DOCK10: variants seen among roughly 807,000 people sequenced by gnomAD.
DOCK10 encodes the protein dedicator of cytokinesis 10.
In DOCK10, 145 loss-of-function variants were observed where a neutral mutation model predicts 280.1. The observed-to-expected ratio is 0.52, with a 90% CI of 0.45 to 0.59. The LOEUF (loss-of-function observed/expected upper bound fraction) is 0.59. DOCK10 is among the 20% of genes least tolerant of loss of function. The pLI is 0.00. For synonymous variants in DOCK10, 915 were observed against 942.2 expected (o/e 0.97, Z 0.53); for missense variants, 2,368 against 2,651.7 (o/e 0.89, Z 2.35).
intron 1 of DOCK10, among the ~76,000 whole-genome samples, chr2:224,943,543 G>A (rs1294902389): frequency 1.3e-5 from 2 of 152,118 alleles, no homozygotes; most frequent in Non-Finnish European, 1.5e-5. Context: ...AAACAGATAT[G>A]ATAAGTATCT....
chr2:224,832,035 G>C (rs1695273801), intron 26 of DOCK10, among the ~76,000 whole-genome samples: 3 of 152,110 alleles, frequency 2.0e-5, no homozygotes, highest in Admixed American at 2.0e-4. Context: ...TCTTTCTTGG[G>C]CCTAAGGGTG....
chr2:224,905,234 A>ATTTTT (rs201582173), intron 3 of DOCK10, among the ~76,000 whole-genome samples: 40 of 111,524 alleles, frequency 3.6e-4, no homozygotes, highest in African/African-American at 8.7e-4. Context: ...CTATGGAACT[A>ATTTTT]TTTTTTTTTT....
At chr2:224,870,751 C>T (rs1698217133) in intron 11 of DOCK10, among the ~76,000 whole-genome samples, 1 of 151,672 alleles carries the variant, frequency 6.6e-6, no homozygotes, top group Admixed American at 6.6e-5. Flanking sequence ...CGCCCCTCTC[C>T]CCCCAACCAA....
At chr2:224,818,768 C>T (rs1694317156) in intron 29 of DOCK10, among the ~76,000 whole-genome samples, 1 of 152,174 alleles carries the variant, frequency 6.6e-6, no homozygotes. Context: ...ATTATCTTTC[C>T]AATCAATTCC....
At chr2:224,813,960 C>T (rs1049570689) in intron 31 of DOCK10, among the ~76,000 whole-genome samples, 3 of 152,172 alleles carry the variant, frequency 2.0e-5, no homozygotes, top group Non-Finnish European at 4.4e-5. Context: ...CAAGATTGAT[C>T]AAACCAGGCT....
chr2:224,980,916 A>C (rs1575145485), intron 1 of DOCK10, among the ~76,000 whole-genome samples: 1 of 152,188 alleles, frequency 6.6e-6, no homozygotes, highest in East Asian at 1.9e-4. Context: ...AATAGTTTTT[A>C]AAAATTTCTC....
intron 3 of DOCK10, among the ~76,000 whole-genome samples, chr2:224,896,658 A>G (rs1700005731): frequency 6.6e-6 from 1 of 152,190 alleles, no homozygotes; most frequent in Non-Finnish European, 1.5e-5. Context: ...TGGAGGTTGC[A>G]GTGAGCCGAG....
rs1223820293 is a variant in DOCK10 at position 224,768,769 on chromosome 2, C to T, written c.6444+1442G>A. ...TAATTAAATAAAAACTTAGAGAGCA[C>T]TAGCTACTAGGGAGGTGACTAGAGA... On this transcript the variant is annotated intron_variant, in intron 55 of 55. Transcript: ENST00000258390. The T allele has an allele frequency of 5.2e-5, 17 of 325,092 alleles. 1 individual carries two copies. Among genetic ancestry groups the T allele is most frequent in the South Asian group, 3.9e-4 (16 of 40,778 alleles). The allele number at this position is 325,092 out of a possible 1,614,324, so 20.1% of individuals were successfully genotyped here.
chr2:225,001,421 C>G (rs1706427663), intron 1 of DOCK10, among the ~76,000 whole-genome samples: 1 of 151,460 alleles, frequency 6.6e-6, no homozygotes, highest in Non-Finnish European at 1.5e-5. Flanking sequence ...TCCCAAGTAG[C>G]TGGGACTACA....
At chr2:224,996,149 T>C (rs1706267740) in intron 1 of DOCK10, among the ~76,000 whole-genome samples, 2 of 152,230 alleles carry the variant, frequency 1.3e-5, no homozygotes, top group South Asian at 4.1e-4. Context: ...TTCATCACAC[T>C]GTGTGATAAA....
At chr2:224,972,086 A>G (rs998835890) in intron 1 of DOCK10, among the ~76,000 whole-genome samples, 2 of 152,206 alleles carry the variant, frequency 1.3e-5, no homozygotes, top group Non-Finnish European at 1.5e-5. Flanking sequence ...TTCCTTAACT[A>G]TATTGGAACA....
At chr2:224,783,640 A>C (rs938623277) in intron 50 of DOCK10, among the ~76,000 whole-genome samples, 159 of 152,212 alleles carry the variant, frequency 1.0e-3, no homozygotes, top group African/African-American at 3.6e-3. Flanking sequence ...GTGTAAAATC[A>C]GCACACTTTA....
chr2:224,874,266 A>C lies in DOCK10; in HGVS notation c.1101T>G (p.Asp367Glu), dbSNP rs1254990523. 2 of 1,612,514 alleles carry C rather than the reference A, an allele frequency of 1.2e-6. No individual in the cohort carries two copies. Among genetic ancestry groups the C allele is most frequent in the Middle Eastern group, 1.7e-4 (1 of 6,048 alleles). ...LNLFSLDPDI[D>E]TLKLQKKDLL... The stretch of plus-strand genomic sequence containing the variant: ...CTGCTTAGAAAAAATTTTGACTTAC[A>C]TCTATGTCTGGATCTAGAGAGAACA... The change falls in exon 10 of 56, where the codon GAT becomes GAG. Residue 367 changes from aspartate (D) to glutamate (E), a missense_variant and splice_region_variant. Transcript: ENST00000258390.
chr2:225,016,128 G>A (rs1265042562), intron 1 of DOCK10, among the ~76,000 whole-genome samples: 1 of 152,106 alleles, frequency 6.6e-6, no homozygotes, highest in African/African-American at 2.4e-5. Flanking sequence ...TCTAGAGTCA[G>A]GTAGCTTTAA....
chr2:224,952,641 GGAGT>G (rs1048247393), intron 1 of DOCK10, among the ~76,000 whole-genome samples: 14 of 147,662 alleles, frequency 9.5e-5, no homozygotes, highest in Admixed American at 7.4e-4. Context: ...CGCCCAGGCT[GGAGT>G]GCAGTGGCGG....
intron 47 of DOCK10, among the ~76,000 whole-genome samples, chr2:224,791,893 G>A (rs28548294): frequency 0.012 from 1,839 of 152,222 alleles, 19 homozygotes; most frequent in African/African-American, 0.036. Context: ...TTTACATTTC[G>A]TTTAAGTCTT....
rs183286996 is a variant in DOCK10, at chr2:224,987,909, G to T, written c.123+54343C>A. Reference sequence around the variant, plus strand: ...AGAGCACAGTAGAAAAGCTCACAGCGAGCTTCAGAGTCAGCCTGACTCATA... The same window carrying T: ...AGAGCACAGTAGAAAAGCTCACAGCTAGCTTCAGAGTCAGCCTGACTCATA... On this transcript the variant is annotated intron_variant, in intron 1 of 55. Coordinates refer to ENST00000258390, the MANE Select transcript of DOCK10 (RefSeq NM_014689.3). 5.9e-5 allele frequency among the ~76,000 whole-genome samples: 9 copies of T among 152,242 alleles called. No homozygotes were observed. In the East Asian group the frequency reaches 1.7e-3, roughly 29 times the overall value.
chr2:225,003,923 T>C (rs528713665), intron 1 of DOCK10, among the ~76,000 whole-genome samples: 1 of 152,202 alleles, frequency 6.6e-6, no homozygotes, highest in Non-Finnish European at 1.5e-5. Context: ...TTATGTTAAA[T>C]GTAGTTAGGT....
chr2:224,919,472 G>C lies in DOCK10; in HGVS notation c.244-2688C>G, dbSNP rs2125961691. Reference sequence around the variant, plus strand: ...GTGAATGGGTGTGATGTGTCAGTGTGAGTGTGGATGGTGTGTATGTGTGGT... The same window carrying C: ...GTGAATGGGTGTGATGTGTCAGTGTCAGTGTGGATGGTGTGTATGTGTGGT... On this transcript the variant is annotated intron_variant, in intron 2 of 55. Coordinates refer to ENST00000258390, the MANE Select transcript of DOCK10 (RefSeq NM_014689.3). 1.3e-5 allele frequency among the ~76,000 whole-genome samples: 2 copies of C among 151,032 alleles called. 1 individual carries two copies. Among genetic ancestry groups the C allele is most frequent in the South Asian group, 4.2e-4 (2 of 4,720 alleles).
Sources: gnomAD v4.1 joint callset for allele counts (sites outside exome capture counted in the v4.1 genomes callset) on GRCh38, gnomAD v4.1.1 for gene constraint, MANE v1.5 for transcripts, NCBI Gene and HGNC (gene_info 2026-07-23, HGNC 2026-07-21) for gene names.